The following ZCCHC4 variants were observed in gnomAD, a reference collection of about 807,000 sequenced individuals.
The protein encoded by ZCCHC4 is rRNA N(6)-adenosine-methyltransferase ZCCHC4.
Under a neutral mutation model 67.7 loss-of-function variants are expected in ZCCHC4, and 54 were observed. The observed-to-expected ratio is 0.80, with a 90% CI of 0.64 to 1.00. ZCCHC4 has a LOEUF of 1.00. Among genes scored for constraint, ZCCHC4 ranks in the 50% least tolerant of loss-of-function variants. The pLI is 0.00. For synonymous variants in ZCCHC4, 198 were observed against 213.5 expected (o/e 0.93, Z 0.63); for missense variants, 609 against 617.0 (o/e 0.99, Z 0.14).
chr4:25,355,841 A>G (rs1448203595), intron 8 of ZCCHC4, among the ~76,000 whole-genome samples: 1 of 152,222 alleles, frequency 6.6e-6, no homozygotes, highest in Non-Finnish European at 1.5e-5. Context: ...GGATATGGGT[A>G]TTATGATAGA....
At chr4:25,327,839 C>T (rs1373363670) in intron 3 of ZCCHC4, among the ~76,000 whole-genome samples, 1 of 151,990 alleles carries the variant, frequency 6.6e-6, no homozygotes, top group African/African-American at 2.4e-5. Context: ...TTGGGGGGCA[C>T]CTAATGAAAT....
rs746670938 is a variant in ZCCHC4 at position 25,365,112 on chromosome 4, T to A, written c.1352T>A (p.Leu451Gln). 1 of 1,614,204 alleles carries A rather than the reference T, an allele frequency of 6.2e-7. No individual in the cohort carries two copies. The highest frequency in any genetic ancestry group is 1.1e-5 in the South Asian group (1 of 91,084). Reference sequence around the variant, plus strand: ...CATGGCTGCTTTATTTGTGGTGAACTGGATCATAAACGCAGTACTTGTCCT... The same window carrying A: ...CATGGCTGCTTTATTTGTGGTGAACAGGATCATAAACGCAGTACTTGTCCT... ...PKHGCFICGELDHKRSTCPNI... is the reference protein window; with the variant it reads ...PKHGCFICGEQDHKRSTCPNI... The change falls in exon 12 of 13, where the codon CTG becomes CAG. Residue 451 changes from leucine to glutamine, a missense_variant. Coordinates refer to ENST00000302874, the MANE Select transcript of ZCCHC4 (RefSeq NM_024936.3).
At chr4:25,357,212 C>T (rs1159510339) in intron 8 of ZCCHC4, among the ~76,000 whole-genome samples, 1 of 152,188 alleles carries the variant, frequency 6.6e-6, no homozygotes, top group African/African-American at 2.4e-5. Context: ...CAGATCCTCC[C>T]AGTCATCTCT....
intron 7 of ZCCHC4, among the ~76,000 whole-genome samples, chr4:25,350,968 T>G (rs936747323): frequency 1.3e-5 from 2 of 152,190 alleles, no homozygotes; most frequent in African/African-American, 4.8e-5. Context: ...TATTATAGCT[T>G]AGTGTAAGCA....
rs961852873 is a variant in ZCCHC4, at chr4:25,359,153, T to G, written c.1012-2706T>G. On this transcript the variant is annotated intron_variant, in intron 8 of 12. Coordinates refer to ENST00000302874, the MANE Select transcript of ZCCHC4 (RefSeq NM_024936.3). The surrounding 1 kb of genome is among the most constrained non-coding windows in gnomAD (Gnocchi z 4.9). The stretch of plus-strand genomic sequence containing the variant: ...GCTCCAATGGAAACCTGGGCAGCAG[T>G]AGATGGGTCCCCCGCAAGCATGGAG... Among the ~76,000 whole-genome samples, 1 of 152,150 alleles carries G rather than the reference T, an allele frequency of 6.6e-6. No individual in the cohort carries two copies. The highest frequency in any genetic ancestry group is 2.4e-5 in the African/African-American group (1 of 41,432).
intron 8 of ZCCHC4, chr4:25,352,276 T>C: frequency 3.0e-6 from 3 of 985,488 alleles, no homozygotes; most frequent in Non-Finnish European, 3.6e-6. Flanking sequence ...AGAATGAGGC[T>C]GCTGTCCACA....
rs113889759 is a variant in ZCCHC4 at position 25,324,175 on chromosome 4, A to AT, written c.329+8789dup. Among the ~76,000 whole-genome samples the AT allele has an allele frequency of 6.0e-4, 86 of 142,862 alleles. 1 individual carries two copies. The South Asian group carries it at 8.8e-3, about 15-fold the overall frequency. The allele number at this position is 142,862 out of a possible 152,430, so 93.7% of individuals were successfully genotyped here. On this transcript the variant is annotated intron_variant, in intron 3 of 12. Coordinates refer to ENST00000302874, the MANE Select transcript of ZCCHC4 (RefSeq NM_024936.3). ...TACAGGTGCACACCATGCCTGGCTA[A>AT]TTTTTTTTTTTTTTGTATTTTAGTG...
rs528144406 is a variant in ZCCHC4, at chr4:25,318,349, C to CTTTTTTTT, written c.329+2966_329+2973dup. On this transcript the variant is annotated intron_variant, in intron 3 of 12. Coordinates refer to ENST00000302874, the MANE Select transcript of ZCCHC4 (RefSeq NM_024936.3). Reference sequence around the variant, plus strand: ...TTCTTTTTTTTTTTTCACTCTCTCTCTTTTTTTTTTTTTTTTTTTTTTTTG... The same window carrying CTTTTTTTT: ...TTCTTTTTTTTTTTTCACTCTCTCTCTTTTTTTTTTTTTTTTTTTTTTTTTTTTTTTTG... Among the ~76,000 whole-genome samples, 94 of 45,528 alleles carry CTTTTTTTT rather than the reference C, an allele frequency of 2.1e-3. 1 individual carries two copies. Among genetic ancestry groups the CTTTTTTTT allele is most frequent in the East Asian group, 4.0e-3 (5 of 1,244 alleles). 29.9% of individuals were successfully genotyped at this position (45,528 alleles called of 152,430 possible).
At chr4:25,358,131 A>G (rs1368842586) in intron 8 of ZCCHC4, among the ~76,000 whole-genome samples, 3 of 152,248 alleles carry the variant, frequency 2.0e-5, no homozygotes, top group Non-Finnish European at 4.4e-5. Context: ...TTTGCTTTCA[A>G]GATAATCTGC....
At chr4:25,318,883 G>A (rs982707891) in intron 3 of ZCCHC4, among the ~76,000 whole-genome samples, 6 of 151,976 alleles carry the variant, frequency 3.9e-5, no homozygotes, top group Admixed American at 2.6e-4. Context: ...TAAACCATCT[G>A]TGACCCATTA....
In ZCCHC4 at chr4:25,350,254, CTTT is replaced by C. The variant is rs751802021; in HGVS notation, c.910+634_910+636del. 5.2e-3 allele frequency among the ~76,000 whole-genome samples: 443 copies of C among 84,842 alleles called. 3 individuals are homozygous for C. Among genetic ancestry groups the C allele is most frequent in the African/African-American group, 0.021 (417 of 19,446 alleles). 55.7% of individuals were successfully genotyped at this position (84,842 alleles called of 152,430 possible). Reference sequence around the variant, plus strand: ...TACGGTCTTCAGGCAGGTACTGCTTCTTTTTTTTTTTTTTTTTTTTTTTTGAGA... The same window carrying C: ...TACGGTCTTCAGGCAGGTACTGCTTCTTTTTTTTTTTTTTTTTTTTTGAGA... On this transcript the variant is annotated intron_variant, in intron 7 of 12. Coordinates refer to ENST00000302874, the MANE Select transcript of ZCCHC4 (RefSeq NM_024936.3).
chr4:25,321,950 T>C (rs1172268435), intron 3 of ZCCHC4, among the ~76,000 whole-genome samples: 2 of 152,222 alleles, frequency 1.3e-5, no homozygotes, highest in African/African-American at 4.8e-5. Flanking sequence ...GTTCCAGCCA[T>C]GCACAACACT....
At position 25,357,417 on chromosome 4, in the gene ZCCHC4, C is replaced by T. The variant is rs143708323; in HGVS notation, c.1012-4442C>T. ...CAAATAGGCCAACTGTGAGTCCGTG[C>T]CAGCTTTTACACAGTTATGCTGGAC... On this transcript the variant is annotated intron_variant, in intron 8 of 12. Transcript: ENST00000302874. Among the ~76,000 whole-genome samples, 174 of 152,310 alleles carry T rather than the reference C, an allele frequency of 1.1e-3. 2 individuals carry two copies. Among genetic ancestry groups the T allele is most frequent in the African/African-American group, 4.2e-3 (174 of 41,560 alleles).
chr4:25,342,281 G>T (rs143450601), intron 5 of ZCCHC4, among the ~76,000 whole-genome samples: 2 of 152,242 alleles, frequency 1.3e-5, no homozygotes, highest in Non-Finnish European at 2.9e-5. Context: ...AAAAAATTCT[G>T]CATAGTATAG....
intron 8 of ZCCHC4, among the ~76,000 whole-genome samples, chr4:25,355,669 A>G (rs188875658): frequency 6.6e-6 from 1 of 152,376 alleles, no homozygotes; most frequent in Admixed American, 6.5e-5. Flanking sequence ...ACAGTCAGAA[A>G]TGAAGATATT....
chr4:25,354,537 T>C (rs1720436241), intron 8 of ZCCHC4, among the ~76,000 whole-genome samples: 1 of 152,260 alleles, frequency 6.6e-6, no homozygotes, highest in Non-Finnish European at 1.5e-5. Flanking sequence ...TCTCCTCATG[T>C]ATTTATAAAC....
chr4:25,323,991 G>A lies in ZCCHC4; in HGVS notation c.329+8591G>A, dbSNP rs111418309. Among the ~76,000 whole-genome samples, 934 of 111,818 alleles carry A rather than the reference G, an allele frequency of 8.4e-3. 12 individuals carry two copies. Among genetic ancestry groups the A allele is most frequent in the African/African-American group, 0.033 (875 of 26,458 alleles). The allele number at this position is 111,818 out of a possible 152,430, so 73.4% of individuals were successfully genotyped here. On this transcript the variant is annotated intron_variant, in intron 3 of 12. Coordinates refer to ENST00000302874, the MANE Select transcript of ZCCHC4 (RefSeq NM_024936.3). ...TCTAGAAGTTTATATAAAGGTAATC[G>A]TACAGTATGTACTGTTTTTTGTGTT...
intron 1 of ZCCHC4, among the ~76,000 whole-genome samples, chr4:25,313,675 G>T (rs1215350620): frequency 6.6e-6 from 1 of 151,980 alleles, no homozygotes; most frequent in African/African-American, 2.4e-5. Context: ...AGGAGTTTGA[G>T]ACTAGCCCGG....
chr4:25,355,122 C>T (rs1280265978), intron 8 of ZCCHC4, among the ~76,000 whole-genome samples: 1 of 152,010 alleles, frequency 6.6e-6, no homozygotes, highest in African/African-American at 2.4e-5. Context: ...TCATCAAAGA[C>T]CTAGAAAACC....
Sources: allele counts gnomAD v4.1 joint callset (sites outside exome capture counted in the v4.1 genomes callset), GRCh38; gene constraint gnomAD v4.1.1; non-coding constraint Gnocchi (gnomAD v3.1); transcripts MANE v1.5; gene names NCBI Gene and HGNC (gene_info 2026-07-23, HGNC 2026-07-21).